XIST: variants seen among roughly 807,000 people sequenced by gnomAD.
XIST encodes X inactive specific transcript (non-protein coding).
exon 6 of XIST, chrX:73,821,262 TTATC>T (rs1197429429): frequency 1.8e-6 from 1 of 556,561 alleles, no homozygotes; most frequent in South Asian, 2.3e-5. Flanking sequence ...ACTTTGACAT[TTATC>T]TATTTCCTTC....
At chrX:73,848,640 C>A (rs1338160588) in exon 1 of XIST, 1 of 558,007 alleles carries the variant, frequency 1.8e-6, no homozygotes, top group South Asian at 2.2e-5. Flanking sequence ...TGTTCAAGAG[C>A]TGTTATTGAA....
At chrX:73,821,718 A>C (rs1281767674) in exon 6 of XIST, 1 of 532,639 alleles carries the variant, frequency 1.9e-6, no homozygotes, top group East Asian at 3.4e-5. Context: ...AAAACGGAAA[A>C]GGTCAAAGCC....
rs752426318 is a variant in XIST at position 73,844,579 on chromosome X, T to TC, written n.8144dup. ...CACTTACAATTGTGCACCTTGATTG[T>TC]CCAAATGTAAGGGTCTTATGGAGTG... On this transcript the variant is annotated non_coding_transcript_exon_variant, in exon 1 of 6. Coordinates refer to ENST00000429829, the Ensembl canonical transcript of XIST. 10 of 557,651 alleles carry TC rather than the reference T, an allele frequency of 1.8e-5. No individual in the cohort carries two copies. In the African/African-American group the frequency reaches 2.2e-4, roughly 12 times the overall value. The allele number at this position is 557,651 out of a possible 1,213,427, so 46.0% of individuals were successfully genotyped here. A position where few individuals can be genotyped will look rare whatever the true frequency, so the allele number is the denominator to read the frequency against.
chrX:73,849,495 A>G, exon 1 of XIST: 1 of 559,185 alleles, frequency 1.8e-6, no homozygotes, highest in Non-Finnish European at 3.2e-6. Context: ...AAGCAATGAC[A>G]GAGAAATGGT....
chrX:73,836,249 T>C (rs1922479923), intron 2 of XIST, among the ~76,000 whole-genome samples: 1 of 111,657 alleles, frequency 9.0e-6, no homozygotes, highest in African/African-American at 3.3e-5. Flanking sequence ...TTGAAGTAAA[T>C]TCTGGTTCTT....
chrX:73,825,763 T>C, exon 6 of XIST: 1 of 516,681 alleles, frequency 1.9e-6, no homozygotes, highest in East Asian at 3.6e-5. Context: ...CAATTTACAC[T>C]GCACTTTCAA....
exon 6 of XIST, chrX:73,824,215 C>T: frequency 1.9e-6 from 1 of 515,454 alleles, no homozygotes; most frequent in Admixed American, 2.6e-5. Flanking sequence ...ATGAGATTGG[C>T]ACACAATAGA....
exon 6 of XIST, chrX:73,824,373 G>A (rs1482371309): frequency 3.7e-6 from 2 of 543,740 alleles, no homozygotes; most frequent in Admixed American, 2.3e-5. Context: ...AGCACCAAGT[G>A]AGAAAATCAA....
chrX:73,831,636 G>A (rs549383267), intron 3 of XIST, among the ~76,000 whole-genome samples: 6 of 111,289 alleles, frequency 5.4e-5, no homozygotes, highest in Non-Finnish European at 1.1e-4. Flanking sequence ...AATATAGTAG[G>A]GGGGTCAAGA....
Position 73,851,058 on chromosome X carries a change from A to T in XIST, n.1666T>A, listed in dbSNP as rs774712758. The T allele has an allele frequency of 5.4e-6, 3 of 558,013 alleles. No homozygotes were observed. The Admixed American group carries it at 6.7e-5, about 12-fold the overall frequency. 46.0% of individuals were successfully genotyped at this position (558,013 alleles called of 1,213,427 possible). On this transcript the variant is annotated non_coding_transcript_exon_variant, in exon 1 of 6. Transcript: ENST00000429829. ...ACCCAGGTCTTCGCTGAGTAGCTGGACAGTGTGTCATCAGTCTAATTCCAT... is the reference window on the plus strand; with the variant it reads ...ACCCAGGTCTTCGCTGAGTAGCTGGTCAGTGTGTCATCAGTCTAATTCCAT...
At chrX:73,851,334 A>G (rs1922935730) in exon 1 of XIST, 1 of 557,655 alleles carries the variant, frequency 1.8e-6, no homozygotes, top group African/African-American at 2.2e-5. Context: ...AGCAAAGACA[A>G]AGAGGCCCGC....
At chrX:73,825,672 C>G in exon 6 of XIST, 2 of 513,356 alleles carry the variant, frequency 3.9e-6, no homozygotes, top group South Asian at 5.0e-5. Flanking sequence ...GTAACAGAAA[C>G]CATATGGCCC....
rs1922667528 is a variant in XIST, at chrX:73,844,052, T to C, written n.8672A>G. 1.1e-5 allele frequency: 6 copies of C among 558,832 alleles called. No individual in the cohort carries two copies. In the East Asian group the frequency reaches 1.9e-4, roughly 18 times the overall value. The allele number at this position is 558,832 out of a possible 1,213,427, so 46.1% of individuals were successfully genotyped here. On this transcript the variant is annotated non_coding_transcript_exon_variant, in exon 1 of 6. Transcript: ENST00000429829. ...TTGTGGACAACTGCAATTATTCACATTAACTGTTCAAATGTAAAGATCATA... is the reference window on the plus strand; with the variant it reads ...TTGTGGACAACTGCAATTATTCACACTAACTGTTCAAATGTAAAGATCATA...
chrX:73,839,031 C>T (rs902374606), intron 1 of XIST, among the ~76,000 whole-genome samples: 7 of 111,526 alleles, frequency 6.3e-5, no homozygotes, highest in African/African-American at 1.9e-4. Flanking sequence ...AAGCTGGTAA[C>T]GTATTTTTCC....
exon 1 of XIST, chrX:73,849,662 C>T (rs1922863475): frequency 1.4e-5 from 8 of 556,030 alleles, no homozygotes; most frequent in Non-Finnish European, 2.6e-5. Context: ...GGATTGTATG[C>T]ATTAACTGAA....
chrX:73,848,447 C>T, exon 1 of XIST: 1 of 557,827 alleles, frequency 1.8e-6, no homozygotes. Flanking sequence ...TAGTAAGGGT[C>T]CCCTGCTGGA....
chrX:73,831,444 CAA>C (rs5902721), intron 3 of XIST: 1,019 of 244,140 alleles, frequency 4.2e-3, no homozygotes, highest in South Asian at 5.3e-3. Flanking sequence ...ACCAACTTAG[CAA>C]AAAAAAAAAA....
At chrX:73,848,693 G>T (rs902243336) in exon 1 of XIST, 8 of 556,631 alleles carry the variant, frequency 1.4e-5, no homozygotes, top group African/African-American at 1.3e-4. Context: ...GGTGGGATGG[G>T]GTGAGAATCC....
At chrX:73,847,136 G>T (rs2147706647) in exon 1 of XIST, 1 of 559,224 alleles carries the variant, frequency 1.8e-6, no homozygotes, top group East Asian at 3.2e-5. Context: ...AATACAGTGG[G>T]TGGGGTCCTT....
Sources: gnomAD v4.1 joint callset for allele counts (sites outside exome capture counted in the v4.1 genomes callset) on GRCh38, gnomAD v4.1.1 for gene constraint, MANE v1.5 for transcripts, NCBI Gene and HGNC (gene_info 2026-07-23, HGNC 2026-07-21) for gene names.